IGF1: variants seen among roughly 807,000 people sequenced by gnomAD.
IGF1 encodes insulin-like growth factor 1.
Under a neutral mutation model 13.8 loss-of-function variants are expected in IGF1, and 4 were observed. The observed-to-expected ratio is 0.29, with a 90% CI of 0.14 to 0.66. The LOEUF (loss-of-function observed/expected upper bound fraction) is 0.66, where lower values mean the gene tolerates loss of function less well. Among genes scored for constraint, IGF1 ranks in the 30% least tolerant of loss-of-function variants. The pLI is 0.78. For synonymous variants in IGF1, 76 were observed against 72.6 expected, an observed-to-expected ratio of 1.05 and a Z score of -0.23; for missense variants, 124 against 188.5, an observed-to-expected ratio of 0.66 and a Z score of 2.00.
At chr12:102,455,098 TG>T (rs1162953164) in intron 2 of IGF1, among the ~76,000 whole-genome samples, 3 of 152,244 alleles carry the variant, frequency 2.0e-5, no homozygotes, top group African/African-American at 7.2e-5. Context: ...AGGAAAATAT[TG>T]GCTCTGACAT....
intron 2 of IGF1, among the ~76,000 whole-genome samples, chr12:102,424,845 G>C (rs558303112): frequency 1.3e-5 from 2 of 152,212 alleles, no homozygotes; most frequent in Admixed American, 1.3e-4. Context: ...AGAATTCATA[G>C]GATTTGCATT....
intron 2 of IGF1, among the ~76,000 whole-genome samples, chr12:102,437,616 C>T (rs944410720): frequency 3.9e-5 from 6 of 151,998 alleles, no homozygotes; most frequent in East Asian, 3.9e-4. Context: ...CTAGAGGCTG[C>T]GGAGCATTAG....
chr12:102,435,741 C>T (rs1025292146), intron 2 of IGF1, among the ~76,000 whole-genome samples: 2 of 152,156 alleles, frequency 1.3e-5, no homozygotes, highest in African/African-American at 4.8e-5. Context: ...GCAGGTAGTG[C>T]CCAAGATAAC....
chr12:102,429,684 C>T (rs1344597077), intron 2 of IGF1, among the ~76,000 whole-genome samples: 1 of 152,168 alleles, frequency 6.6e-6, no homozygotes, highest in Non-Finnish European at 1.5e-5. Flanking sequence ...ATTTATTTTA[C>T]TGAATTCAGC....
chr12:102,431,189 C>T (rs1876709629), intron 2 of IGF1, among the ~76,000 whole-genome samples: 1 of 152,188 alleles, frequency 6.6e-6, no homozygotes, highest in Non-Finnish European at 1.5e-5. Flanking sequence ...AGGCTTGAAG[C>T]TTAGTTAAGT....
At position 102,396,622 on chromosome 12, in the gene IGF1, G is replaced by A. The variant is rs773615612; in HGVS notation, c.*5885C>T. ...TTTTGGGCAAAATAAAATGAGTAATGTTTACTTTTAGGCCTCAGTAATATA... is the reference window on the plus strand; with the variant it reads ...TTTTGGGCAAAATAAAATGAGTAATATTTACTTTTAGGCCTCAGTAATATA... On this transcript the variant is annotated 3_prime_UTR_variant, in exon 4 of 4. Transcript: ENST00000337514. 5.6e-5 allele frequency: 20 copies of A among 357,202 alleles called. No homozygotes were observed. The highest frequency in any genetic ancestry group is 1.5e-4 in the South Asian group (1 of 6,688). The allele number at this position is 357,202 out of a possible 1,614,324, so 22.1% of individuals were successfully genotyped here. A position where few individuals can be genotyped will look rare whatever the true frequency, so the allele number is the denominator to read the frequency against.
intron 2 of IGF1, among the ~76,000 whole-genome samples, chr12:102,425,880 T>C (rs950682287): frequency 2.0e-5 from 3 of 152,138 alleles, no homozygotes; most frequent in African/African-American, 4.8e-5. Flanking sequence ...TTGGAGGAGA[T>C]AGATGTAGCC....
In IGF1 at chr12:102,405,850, C is replaced by CG. The variant is rs1039580557; in HGVS notation, c.403-3285dup. Among the ~76,000 whole-genome samples, 8 of 152,306 alleles carry CG rather than the reference C, an allele frequency of 5.3e-5. No homozygotes were observed. The South Asian group carries it at 1.5e-3, about 28-fold the overall frequency. On this transcript the variant is annotated intron_variant, in intron 3 of 3. Coordinates refer to ENST00000337514, the MANE Select transcript of IGF1 (RefSeq NM_000618.5). The stretch of plus-strand genomic sequence containing the variant: ...ATCTATGCTTCACTCTTTAAATTAG[C>CG]GGGGGGCTATAGCAAAAAGAATTGA...
rs1169492050 is a variant in IGF1, at chr12:102,396,581, A to T, written c.*5926T>A. On this transcript the variant is annotated 3_prime_UTR_variant, in exon 4 of 4. Transcript: ENST00000337514. ...TTAGAGCTCTGTTTTTATTTTTCCT[A>T]CTTTACATCAGTGCATTTTGGGCAA... 1.0e-5 allele frequency: 3 copies of T among 293,996 alleles called. No homozygotes were observed. Among genetic ancestry groups the T allele is most frequent in the African/African-American group, 4.3e-5 (2 of 46,324 alleles). 18.2% of individuals were successfully genotyped at this position (293,996 alleles called of 1,614,324 possible). A position where few individuals can be genotyped will look rare whatever the true frequency, so the allele number is the denominator to read the frequency against.
chr12:102,422,771 T>G (rs533320127), intron 2 of IGF1, among the ~76,000 whole-genome samples: 1 of 152,380 alleles, frequency 6.6e-6, no homozygotes, highest in South Asian at 2.1e-4. Flanking sequence ...GAGATGGAAC[T>G]AATTGTTTTA....
chr12:102,410,647 T>C (rs1378688781), intron 3 of IGF1, among the ~76,000 whole-genome samples: 1 of 152,232 alleles, frequency 6.6e-6, no homozygotes, highest in Non-Finnish European at 1.5e-5. Context: ...TTGGGAGATG[T>C]GAGGCCTAGG....
chr12:102,478,525 C>CAGCA (rs1189597424), intron 1 of IGF1: 2 of 1,610,946 alleles, frequency 1.2e-6, no homozygotes, highest in Admixed American at 1.7e-5. Context: ...AGGTCTTTTA[C>CAGCA]AGCAGGTCAG....
intron 3 of IGF1, among the ~76,000 whole-genome samples, chr12:102,404,742 T>C (rs1048327739): frequency 3.5e-5 from 5 of 143,626 alleles, no homozygotes; most frequent in African/African-American, 1.3e-4. Context: ...CCAGTAAACT[T>C]GTGTTTTGTT....
intron 2 of IGF1, among the ~76,000 whole-genome samples, chr12:102,451,766 G>T (rs9651925): frequency 0.75 from 113,736 of 151,992 alleles, 42,666 homozygotes; most frequent in East Asian, 0.83. Flanking sequence ...AGTGTTGACA[G>T]GGTTTGGCTG....
intron 2 of IGF1, among the ~76,000 whole-genome samples, chr12:102,445,235 C>T (rs541253999): frequency 6.6e-6 from 1 of 152,214 alleles, no homozygotes; most frequent in Admixed American, 6.5e-5. Flanking sequence ...TTTTTGGTTC[C>T]ATATGAAATT....
In IGF1 at chr12:102,436,895, T is replaced by C. The variant is rs779412383; in HGVS notation, c.221-17205A>G. On this transcript the variant is annotated intron_variant, in intron 2 of 3. Transcript: ENST00000337514. Reference sequence around the variant, plus strand: ...GATGAGACTGTGTATGAGGCTTTCATAGCTTTAAATCCAACAGTGCCCAAA... The same window carrying C: ...GATGAGACTGTGTATGAGGCTTTCACAGCTTTAAATCCAACAGTGCCCAAA... Among the ~76,000 whole-genome samples, 169 of 152,310 alleles carry C rather than the reference T, an allele frequency of 1.1e-3. 1 individual carries two copies. The highest frequency in any genetic ancestry group is 2.1e-3 in the Non-Finnish European group (142 of 68,026).
At chr12:102,475,978 G>A (rs762306648) in intron 1 of IGF1, among the ~76,000 whole-genome samples, 179 bp from the exon 2 acceptor site, 12 of 152,120 alleles carry the variant, frequency 7.9e-5, no homozygotes, top group African/African-American at 2.4e-4. Context: ...AGCGTGTCTC[G>A]GCATCCAACA....
At chr12:102,440,958 G>C (rs1395097424) in intron 2 of IGF1, among the ~76,000 whole-genome samples, 1 of 152,154 alleles carries the variant, frequency 6.6e-6, no homozygotes, top group Non-Finnish European at 1.5e-5. Flanking sequence ...CAGTCCTTTT[G>C]AGACTCTAAA....
intron 2 of IGF1, among the ~76,000 whole-genome samples, chr12:102,465,936 CAAATAAATAAATAAATAAATAAATAAAT>C (rs3032454): frequency 5.7e-5 from 8 of 139,390 alleles, no homozygotes; most frequent in African/African-American, 1.6e-4. Context: ...GACTCTGTTT[CAAATAAATAAATAAATAAATAAATAAAT>C]AAATAAATAA....
Sources: allele counts gnomAD v4.1 joint callset (sites outside exome capture counted in the v4.1 genomes callset), GRCh38; gene constraint gnomAD v4.1.1; transcripts MANE v1.5; gene names NCBI Gene and HGNC (gene_info 2026-07-23, HGNC 2026-07-21).